SEC24C: variants seen among roughly 807,000 people sequenced by gnomAD.
SEC24C encodes protein transport protein Sec24C.
A neutral mutation model predicts 117.0 loss-of-function variants in SEC24C; 22 were observed. The observed-to-expected ratio is 0.19, with a 90% CI of 0.13 to 0.27. The LOEUF (loss-of-function observed/expected upper bound fraction) is 0.27, where lower values mean the gene tolerates loss of function less well. SEC24C is among the 10% of genes least tolerant of loss of function. The probability of loss-of-function intolerance (pLI) is 1.00; values close to 1 mark genes in which losing one functional copy is unlikely to be tolerated. For synonymous variants in SEC24C, 506 were observed against 529.4 expected (o/e 0.96, Z 0.61); for missense variants, 1,155 against 1,375.1 (o/e 0.84, Z 2.53).
At chr10:73,752,826 AAAAAC>A (rs1255460111) in intron 3 of SEC24C, among the ~76,000 whole-genome samples, 6 of 152,158 alleles carry the variant, frequency 3.9e-5, no homozygotes, top group South Asian at 4.1e-4. Context: ...CCTGTCACAA[AAAAAC>A]AAAACAAAAC....
chr10:73,770,044 T>C (rs369151909), intron 20 of SEC24C, 29 bp downstream of exon 20: 12 of 1,606,016 alleles, frequency 7.5e-6, no homozygotes, highest in Non-Finnish European at 1.0e-5. Flanking sequence ...GTATGAGATC[T>C]TGCACGGAGC....
At position 73,759,831 on chromosome 10, in the gene SEC24C, T is replaced by C; in HGVS notation, c.481+37T>C. 2.0e-6 allele frequency: 3 copies of C among 1,519,760 alleles called. No homozygotes were observed. The South Asian group carries it at 3.9e-5, about 20-fold the overall frequency. The allele number at this position is 1,519,760 out of a possible 1,614,324, so 94.1% of individuals were successfully genotyped here. The stretch of plus-strand genomic sequence containing the variant: ...TGAACACAGGAATGTTACTGTCCCC[T>C]GTTCAGAGGCATCAGACTCTGGGGT... On this transcript the variant is annotated intron_variant, in intron 4 of 22. Coordinates refer to ENST00000345254, the MANE Select transcript of SEC24C (RefSeq NM_198597.3).
rs777495039 is a variant in SEC24C at position 73,760,062 on chromosome 10, T to A, written c.526T>A (p.Ser176Thr). The A allele has an allele frequency of 3.7e-5, 59 of 1,607,636 alleles. No individual in the cohort carries two copies. The Admixed American group carries it at 1.0e-3, about 27-fold the overall frequency. Residue 176 changes from serine to threonine, a missense_variant, in exon 5 of 23, where the codon TCT (serine) becomes ACT (threonine). Transcript: ENST00000345254. ...LASASGSFPN[S>T]GLYGSYPQGQ... Reference sequence around the variant, plus strand: ...TTCAGCCTCAGGAAGTTTCCCTAACTCTGGTCTGTATGGCTCCTATCCTCA... The same window carrying A: ...TTCAGCCTCAGGAAGTTTCCCTAACACTGGTCTGTATGGCTCCTATCCTCA...
At position 73,767,960 on chromosome 10, in the gene SEC24C, G is replaced by T. The variant is rs1170989631; in HGVS notation, c.2134G>T (p.Val712Leu). The T allele has an allele frequency of 1.2e-6, 2 of 1,613,254 alleles. No individual in the cohort carries two copies. The highest frequency in any genetic ancestry group is 2.7e-5 in the African/African-American group (2 of 74,862). Residue 712 changes from valine (V) to leucine (L), a missense_variant, in exon 15 of 23, where the codon GTG becomes TTG. Val to Leu is a conservative substitution (Grantham distance 32). Around this residue, in one of 2 missense-constraint regions of SEC24C, gnomAD observed 759 missense variants for 992.3 expected, o/e 0.76. Coordinates refer to ENST00000345254, the MANE Select transcript of SEC24C (RefSeq NM_198597.3). ...TGTGGATGTGGCCACACTCTCTGTTGTGCCCCAGCTCACTGGTGGCTCTGT... is the reference window on the plus strand; with the variant it reads ...TGTGGATGTGGCCACACTCTCTGTTTTGCCCCAGCTCACTGGTGGCTCTGT... ...QYVDVATLSV[V>L]PQLTGGSVYK...
chr10:73,763,533 C>A lies in SEC24C; in HGVS notation c.1031C>A (p.Pro344Gln). Residue 344 changes from proline to glutamine, a missense_variant, in exon 7 of 23, where the codon CCA (proline) becomes CAA (glutamine). Physicochemically the swap from Pro to Gln is moderately conservative, Grantham distance 76. This residue lies in a region of SEC24C where 759 missense variants were observed against 992.3 expected (regional missense o/e 0.76). Transcript: ENST00000345254. ...EDDRNNRGTEPFVTGVRGQVP... is the reference protein window; with the variant it reads ...EDDRNNRGTEQFVTGVRGQVP... ...GACAGGAACAACCGGGGTACAGAGC[C>A]ATTTGTTACTGGAGTACGGGGCCAG... The A allele has an allele frequency of 6.2e-7, 1 of 1,613,916 alleles. No homozygotes were observed. Among genetic ancestry groups the A allele is most frequent in the Non-Finnish European group, 8.5e-7 (1 of 1,179,902 alleles).
At chr10:73,767,237 C>A in intron 14 of SEC24C, 67 bp downstream of exon 14, 1 of 1,047,494 alleles carries the variant, frequency 9.5e-7, no homozygotes, top group Non-Finnish European at 1.5e-6. Flanking sequence ...ACTCTACTTT[C>A]TTGATGGTGG....
In SEC24C at chr10:73,760,881, G is replaced by A. The variant is rs751766836; in HGVS notation, c.987+32G>A. ...AGAAACTTTCATGGTCCTGAGGAAG[G>A]GTTTGTGTCTGCCAGATAGGCAGGT... On this transcript the variant is annotated intron_variant, in intron 6 of 22. Transcript: ENST00000345254. The A allele has an allele frequency of 5.2e-5, 81 of 1,567,708 alleles. No homozygotes were observed. In the Middle Eastern group the frequency reaches 6.8e-4, roughly 13 times the overall value.
chr10:73,767,540 C>T (rs2082903662), intron 14 of SEC24C, among the ~76,000 whole-genome samples: 1 of 152,078 alleles, frequency 6.6e-6, no homozygotes, highest in Non-Finnish European at 1.5e-5. Flanking sequence ...TGGTGGCACA[C>T]ACCTGTAATC....
intron 2 of SEC24C, 133 bp from the exon 3 acceptor site, chr10:73,750,975 T>C: frequency 1.1e-6 from 1 of 888,352 alleles, no homozygotes; most frequent in Non-Finnish European, 1.7e-6. Context: ...GCTGGTAGTG[T>C]CCTTTTCACT....
intron 15 of SEC24C, among the ~76,000 whole-genome samples, chr10:73,768,356 G>C (rs1012977703): frequency 6.6e-6 from 1 of 152,180 alleles, no homozygotes; most frequent in Non-Finnish European, 1.5e-5. Flanking sequence ...CAGCCAGAGC[G>C]ACAGAGTAAG....
At chr10:73,757,356 G>A (rs1180867801) in intron 3 of SEC24C, among the ~76,000 whole-genome samples, 3 of 136,336 alleles carry the variant, frequency 2.2e-5, no homozygotes, top group Admixed American at 7.4e-5. Context: ...AGATCCTGTC[G>A]CTATAAAAAA....
intron 8 of SEC24C, among the ~76,000 whole-genome samples, chr10:73,764,240 C>G (rs905775095): frequency 5.9e-5 from 9 of 151,948 alleles, no homozygotes; most frequent in African/African-American, 2.2e-4. Context: ...AGAGGTAGGG[C>G]CAGGCCAGGC....
chr10:73,745,125 G>C lies in SEC24C; in HGVS notation c.-29+688G>C, dbSNP rs142506964. The stretch of plus-strand genomic sequence containing the variant: ...TCTAGCAAAGGGGGAGAGGTCCATT[G>C]TTCCCTTTGCAGCAACTCTGAGTGC... On this transcript the variant is annotated intron_variant, in intron 1 of 22. Transcript: ENST00000345254. 3.4e-4 allele frequency among the ~76,000 whole-genome samples: 51 copies of C among 152,194 alleles called. 1 individual carries two copies. The East Asian group carries it at 9.9e-3, about 29-fold the overall frequency.
rs2082829827 is a variant in SEC24C at position 73,763,615 on chromosome 10, T to G, written c.1099+14T>G. Reference sequence around the variant, plus strand: ...TGAAAGACCAAGGTGAGAATGGAATTAGCTCCTCCCACAGGGGCTTTTTCT... The same window carrying G: ...TGAAAGACCAAGGTGAGAATGGAATGAGCTCCTCCCACAGGGGCTTTTTCT... On this transcript the variant is annotated intron_variant, in intron 7 of 22. Coordinates refer to ENST00000345254, the MANE Select transcript of SEC24C (RefSeq NM_198597.3). 6.7e-7 allele frequency: 1 copy of G among 1,503,304 alleles called. No homozygotes were observed. The highest frequency in any genetic ancestry group is 9.2e-7 in the Non-Finnish European group (1 of 1,087,608). 93.1% of individuals were successfully genotyped at this position (1,503,304 alleles called of 1,614,324 possible). A position where few individuals can be genotyped will look rare whatever the true frequency, so the allele number is the denominator to read the frequency against.
chr10:73,759,453 G>T (rs1589519624), intron 3 of SEC24C, among the ~76,000 whole-genome samples, 169 bp from the exon 4 acceptor site: 1 of 152,162 alleles, frequency 6.6e-6, no homozygotes, highest in African/African-American at 2.4e-5. Context: ...GAATAATCAG[G>T]AATATAATTT....
rs1053123180 is a variant in SEC24C at position 73,751,170 on chromosome 10, G to C, written c.235G>C (p.Gly79Arg). The change falls in exon 3 of 23, where the codon GGC becomes CGC. Residue 79 changes from glycine (G) to arginine (R), a missense_variant. Physicochemically the swap from Gly to Arg is moderately radical, Grantham distance 125 (BLOSUM62 -2). Around this residue, in one of 2 missense-constraint regions of SEC24C, gnomAD observed 396 missense variants for 382.8 expected, o/e 1.03. Coordinates refer to ENST00000345254, the MANE Select transcript of SEC24C (RefSeq NM_198597.3). ...PPASTAQAPCGQAAYGQFGQG... is the reference protein window; with the variant it reads ...PPASTAQAPCRQAAYGQFGQG... ...AGCCTCAACAGCACAGGCTCCTTGT[G>C]GCCAGGCTGCATATGGCCAGTTTGG... is the stretch of plus-strand genomic sequence containing the variant. 7.4e-6 allele frequency: 12 copies of C among 1,614,080 alleles called. No homozygotes were observed. Among genetic ancestry groups the C allele is most frequent in the Middle Eastern group, 1.6e-4 (1 of 6,084 alleles).
intron 3 of SEC24C, among the ~76,000 whole-genome samples, chr10:73,752,431 T>G (rs1397371012): frequency 6.6e-6 from 1 of 152,080 alleles, no homozygotes; most frequent in Non-Finnish European, 1.5e-5. Context: ...GTCAGGAGTG[T>G]TGTTTGTGTT....
At chr10:73,767,805 C>T (rs2082907945) in intron 14 of SEC24C, 32 bp from the exon 15 acceptor site, 2 of 1,548,818 alleles carry the variant, frequency 1.3e-6, no homozygotes, top group Non-Finnish European at 1.8e-6. Flanking sequence ...GATATTTGAA[C>T]ATTTTCTTCT....
intron 3 of SEC24C, among the ~76,000 whole-genome samples, chr10:73,756,334 C>T (rs774262073): frequency 2.0e-5 from 3 of 152,030 alleles, no homozygotes; most frequent in South Asian, 2.1e-4. Context: ...AAGTCTGGAC[C>T]TGGGCTGCAC....
Sources: gnomAD v4.1 joint callset for allele counts (sites outside exome capture counted in the v4.1 genomes callset) on GRCh38, gnomAD v4.1.1 for gene constraint, gnomAD v4.1.1 regional missense constraint, MANE v1.5 for transcripts, NCBI Gene and HGNC (gene_info 2026-07-23, HGNC 2026-07-21) for gene names.